SULT2B1: variants seen among roughly 807,000 people sequenced by gnomAD.
SULT2B1 encodes the protein sulfotransferase family 2B member 1.
SULT2B1 carries 16 observed loss-of-function variants against 33.2 expected under a neutral mutation model. That is an observed-to-expected ratio of 0.48 (90% CI 0.33 to 0.73). The LOEUF (loss-of-function observed/expected upper bound fraction) is 0.73, where lower values mean the gene tolerates loss of function less well. SULT2B1 is among the 30% of genes least tolerant of loss of function. SULT2B1 has a pLI of 0.02. For missense variants in SULT2B1, 500 were observed against 506.0 expected, an observed-to-expected ratio of 0.99 and a Z score of 0.11; for synonymous variants, 186 against 200.5, an observed-to-expected ratio of 0.93 and a Z score of 0.61.
chr19:48,586,935 A>C (rs1403864666), intron 2 of SULT2B1, among the ~76,000 whole-genome samples: 4 of 151,812 alleles, frequency 2.6e-5, no homozygotes, highest in African/African-American at 7.3e-5. Flanking sequence ...ACATGGGGAG[A>C]CCTCGTCTCT....
intron 4 of SULT2B1, 52 bp downstream of exon 4, chr19:48,591,787 C>T (rs1275702862): frequency 6.6e-7 from 1 of 1,508,970 alleles, no homozygotes; most frequent in Admixed American, 2.2e-5. Flanking sequence ...CCCCAGAGGA[C>T]CCTGATGGGC....
chr19:48,573,048 T>C (rs2147608994), intron 1 of SULT2B1, among the ~76,000 whole-genome samples: 1 of 151,152 alleles, frequency 6.6e-6, no homozygotes, highest in African/African-American at 2.4e-5. Context: ...TCCCAGCTAA[T>C]CAGGAGTCTG....
rs999237278 is a variant in SULT2B1 at position 48,571,446 on chromosome 19, C to G, written c.72-4495C>G. Among the ~76,000 whole-genome samples, 4 of 151,874 alleles carry G rather than the reference C, an allele frequency of 2.6e-5. No individual in the cohort carries two copies. In the Admixed American group the frequency reaches 2.6e-4, roughly 10 times the overall value. ...TCCTGACCTCAGGTGATCCGCCCACCTCAGCCTCCCAAAGTGCTGGGATTA... is the reference window on the plus strand; with the variant it reads ...TCCTGACCTCAGGTGATCCGCCCACGTCAGCCTCCCAAAGTGCTGGGATTA... On this transcript the variant is annotated intron_variant, in intron 1 of 6. Coordinates refer to ENST00000201586, the MANE Select transcript of SULT2B1 (RefSeq NM_177973.2).
chr19:48,563,332 G>T (rs988433357), intron 1 of SULT2B1, among the ~76,000 whole-genome samples: 1 of 152,062 alleles, frequency 6.6e-6, no homozygotes, highest in Non-Finnish European at 1.5e-5. Flanking sequence ...TGAGAACGCC[G>T]GTTCCCACAA....
chr19:48,559,332 A>T (rs549420433), intron 1 of SULT2B1, among the ~76,000 whole-genome samples: 2 of 149,832 alleles, frequency 1.3e-5, no homozygotes, highest in South Asian at 4.2e-4. Flanking sequence ...AGAGTTCAGG[A>T]CCCATTTGGT....
rs1356271675 is a variant in SULT2B1, at chr19:48,576,360, T to TTTTCTTTC, written c.214+280_214+281insCTTTCTTT. Among the ~76,000 whole-genome samples, 151 of 52,972 alleles carry TTTTCTTTC rather than the reference T, an allele frequency of 2.9e-3. 12 individuals are homozygous for TTTTCTTTC. Among genetic ancestry groups the TTTTCTTTC allele is most frequent in the African/African-American group, 9.3e-3 (126 of 13,596 alleles). The allele number at this position is 52,972 out of a possible 152,430, so 34.8% of individuals were successfully genotyped here. A position where few individuals can be genotyped will look rare whatever the true frequency, so the allele number is the denominator to read the frequency against. On this transcript the variant is annotated intron_variant, in intron 2 of 6. Coordinates refer to ENST00000201586, the MANE Select transcript of SULT2B1 (RefSeq NM_177973.2). ...CTTTCCCCTTTACCCTCTACTTCTCTTTTTTTTTTTTTTTTTTGTAGAGAT... is the reference window on the plus strand; with the variant it reads ...CTTTCCCCTTTACCCTCTACTTCTCTTTTCTTTCTTTTTTTTTTTTTTTTTGTAGAGAT...
intron 3 of SULT2B1, among the ~76,000 whole-genome samples, chr19:48,589,494 A>G (rs1240153051): frequency 6.6e-6 from 1 of 152,126 alleles, no homozygotes; most frequent in Admixed American, 6.5e-5. Flanking sequence ...TCGAAGCTCC[A>G]GGACTGGGTG....
intron 1 of SULT2B1, among the ~76,000 whole-genome samples, chr19:48,569,668 GA>G (rs1387473261): frequency 1.3e-5 from 2 of 150,186 alleles, no homozygotes; most frequent in African/African-American, 4.9e-5. Flanking sequence ...CTGGCCTCAA[GA>G]TTGGTTTTTT....
chr19:48,555,549 C>CCTCTCTCTCTCTCTCTCT lies in SULT2B1; in HGVS notation c.71+3249_71+3266dup, dbSNP rs142655043. The stretch of plus-strand genomic sequence containing the variant: ...CCTTGCATAGGGATCCCAGAGACAT[C>CCTCTCTCTCTCTCTCTCT]CTCTCTCTCTCTCTCTCTCTCTCTC... On this transcript the variant is annotated intron_variant, in intron 1 of 6. Transcript: ENST00000201586. Among the ~76,000 whole-genome samples the CCTCTCTCTCTCTCTCTCT allele has an allele frequency of 3.6e-3, 447 of 124,164 alleles. 8 individuals are homozygous for CCTCTCTCTCTCTCTCTCT. Among genetic ancestry groups the CCTCTCTCTCTCTCTCTCT allele is most frequent in the East Asian group, 5.5e-3 (24 of 4,344 alleles). 81.5% of individuals were successfully genotyped at this position (124,164 alleles called of 152,430 possible). A position where few individuals can be genotyped will look rare whatever the true frequency, so the allele number is the denominator to read the frequency against.
chr19:48,566,356 T>C (rs1410380680), intron 1 of SULT2B1, among the ~76,000 whole-genome samples: 1 of 152,090 alleles, frequency 6.6e-6, no homozygotes, highest in Non-Finnish European at 1.5e-5. Context: ...AATGCTGGGA[T>C]CACAGGCACG....
At position 48,596,825 on chromosome 19, in the gene SULT2B1, A is replaced by C; in HGVS notation, c.732A>C (p.Ser244=). 1 of 1,609,876 alleles carries C rather than the reference A, an allele frequency of 6.2e-7. No individual in the cohort carries two copies. Among genetic ancestry groups the C allele is most frequent in the Non-Finnish European group, 8.5e-7 (1 of 1,179,948 alleles). ...KEALGSVVAH[S]TFSAMKANTM... is the part of the protein sequence containing the mutation. ...CACTGGGCTCCGTCGTGGCACACTCAACCTTCAGCGCCATGAAGGCCAACA... is the reference window on the plus strand; with the variant it reads ...CACTGGGCTCCGTCGTGGCACACTCCACCTTCAGCGCCATGAAGGCCAACA... The change falls in exon 6 of 7, where the codon TCA becomes TCC. Residue 244 remains serine, a synonymous_variant. Coordinates refer to ENST00000201586, the MANE Select transcript of SULT2B1 (RefSeq NM_177973.2).
chr19:48,574,264 C>CTTCA (rs200613768), intron 1 of SULT2B1, among the ~76,000 whole-genome samples: 1 of 152,016 alleles, frequency 6.6e-6, no homozygotes, highest in Admixed American at 6.6e-5. Context: ...TGGTAAACCC[C>CTTCA]TTCATTCCTT....
chr19:48,578,347 C>T (rs559901710), intron 2 of SULT2B1, among the ~76,000 whole-genome samples: 5 of 151,540 alleles, frequency 3.3e-5, no homozygotes, highest in South Asian at 4.2e-4. Context: ...TTTGGGAGGC[C>T]GAGGCAGGAG....
At chr19:48,580,604 C>T (rs1439921972) in intron 2 of SULT2B1, among the ~76,000 whole-genome samples, 1 of 151,618 alleles carries the variant, frequency 6.6e-6, no homozygotes, top group Non-Finnish European at 1.5e-5. Context: ...ATAGATGATC[C>T]TCTATTGCCC....
rs1330975103 is a variant in SULT2B1, at chr19:48,599,136, G to T, written c.828G>T (p.Gly276=). The part of the protein sequence containing the change: ...DHRRGAFLRK[G]VCGDWKNHFT... ...CCCCTGGTGCCCCCTCTTCTCCAGG[G>T]GTCTGCGGCGACTGGAAGAACCACT... The change falls in exon 7 of 7, where the codon GGG becomes GGT. Residue 276 remains glycine, a splice_region_variant and synonymous_variant. Transcript: ENST00000201586. The surrounding 1 kb of genome is among the most constrained non-coding windows in gnomAD (Gnocchi z 4.1). The T allele has an allele frequency of 1.3e-6, 2 of 1,575,402 alleles. No individual in the cohort carries two copies. Among genetic ancestry groups the T allele is most frequent in the East Asian group, 2.3e-5 (1 of 43,036 alleles).
chr19:48,565,591 G>T (rs745805328), intron 1 of SULT2B1, among the ~76,000 whole-genome samples: 2 of 152,152 alleles, frequency 1.3e-5, no homozygotes, highest in African/African-American at 2.4e-5. Context: ...TGTTGGCCAG[G>T]CTAGTCTCAA....
intron 2 of SULT2B1, among the ~76,000 whole-genome samples, chr19:48,584,106 G>A (rs1340364352): frequency 6.6e-6 from 1 of 152,116 alleles, no homozygotes; most frequent in Non-Finnish European, 1.5e-5. Context: ...GCAAGACTCC[G>A]TCTCAAACAA....
intron 2 of SULT2B1, among the ~76,000 whole-genome samples, chr19:48,586,010 A>G (rs1267015065): frequency 2.0e-5 from 3 of 152,150 alleles, no homozygotes; most frequent in Admixed American, 2.0e-4. Context: ...TGAGCCCAGG[A>G]GTTCAAGACC....
intron 3 of SULT2B1, among the ~76,000 whole-genome samples, chr19:48,588,989 C>T (rs1973606066): frequency 6.6e-6 from 1 of 152,206 alleles, no homozygotes; most frequent in African/African-American, 2.4e-5. Context: ...GACTTGAGCT[C>T]TGACCGAGTG....
Sources: allele counts gnomAD v4.1 joint callset (sites outside exome capture counted in the v4.1 genomes callset), GRCh38; gene constraint gnomAD v4.1.1; non-coding constraint Gnocchi (gnomAD v3.1); transcripts MANE v1.5; gene names NCBI Gene and HGNC (gene_info 2026-07-23, HGNC 2026-07-21).